The following PRKG1 variants were observed in gnomAD, a reference collection of about 807,000 sequenced individuals.
The protein encoded by PRKG1 is protein kinase cGMP-dependent 1, also known as cGMP-dependent protein kinase 1.
A neutral mutation model predicts 88.1 loss-of-function variants in PRKG1; 35 were observed. That is an observed-to-expected ratio of 0.40 (90% CI 0.30 to 0.53). PRKG1 has a LOEUF of 0.53. PRKG1 is among the 20% of genes least tolerant of loss of function. The pLI is 0.59. For synonymous variants in PRKG1, 303 were observed against 292.5 expected, an observed-to-expected ratio of 1.04 and a Z score of -0.37; for missense variants, 540 against 839.8, an observed-to-expected ratio of 0.64 and a Z score of 4.41.
At chr10:51,960,971 C>A (rs1843433042) in intron 5 of PRKG1, among the ~76,000 whole-genome samples, 1 of 152,084 alleles carries the variant, frequency 6.6e-6, no homozygotes. Flanking sequence ...AAGTATTGAG[C>A]TCATTTGATA....
At chr10:51,616,027 C>T (rs1056280305) in intron 3 of PRKG1, among the ~76,000 whole-genome samples, 2 of 152,142 alleles carry the variant, frequency 1.3e-5, no homozygotes, top group Non-Finnish European at 2.9e-5. Flanking sequence ...GGCTTTGATT[C>T]TGGGTGCATG....
At chr10:51,610,351 G>A (rs1838875240) in intron 3 of PRKG1, among the ~76,000 whole-genome samples, 1 of 152,040 alleles carries the variant, frequency 6.6e-6, no homozygotes, top group East Asian at 1.9e-4. Flanking sequence ...TGTGAGCAAT[G>A]TTTTTAGTTC....
chr10:51,223,237 G>T (rs1838598924), intron 2 of PRKG1, among the ~76,000 whole-genome samples: 1 of 151,940 alleles, frequency 6.6e-6, no homozygotes, highest in African/African-American at 2.4e-5. Flanking sequence ...TGTGGATTGT[G>T]TTTCAAGCAA....
intron 2 of PRKG1, among the ~76,000 whole-genome samples, chr10:51,157,250 A>C (rs1282562187): frequency 1.3e-5 from 2 of 151,932 alleles, no homozygotes; most frequent in Non-Finnish European, 2.9e-5. Flanking sequence ...TTGCTTTCAG[A>C]TACTTAAAAG....
rs529508267 is a variant in PRKG1 at position 52,296,850 on chromosome 10, G to T, written c.*2950G>T. 6.6e-6 allele frequency: 1 copy of T among 152,056 alleles called. No individual in the cohort carries two copies. Among genetic ancestry groups the T allele is most frequent in the East Asian group, 1.9e-4 (1 of 5,168 alleles). 9.4% of individuals were successfully genotyped at this position (152,056 alleles called of 1,614,324 possible). Reference sequence around the variant, plus strand: ...TTAAGACATGAATCAGATCCATGTGGCATTCAAAACAAATTTATTTTGGTT... The same window carrying T: ...TTAAGACATGAATCAGATCCATGTGTCATTCAAAACAAATTTATTTTGGTT... On this transcript the variant is annotated 3_prime_UTR_variant, in exon 18 of 18. Transcript: ENST00000373980.
At chr10:51,517,806 C>A (rs1268176873) in intron 3 of PRKG1, among the ~76,000 whole-genome samples, 1 of 152,146 alleles carries the variant, frequency 6.6e-6, no homozygotes. Context: ...TTTTCATTTT[C>A]ATCCAGAAGG....
intron 2 of PRKG1, among the ~76,000 whole-genome samples, chr10:51,177,425 C>T (rs1327053963): frequency 6.6e-6 from 1 of 152,106 alleles, no homozygotes; most frequent in Non-Finnish European, 1.5e-5. Context: ...TGTTAACAAA[C>T]TTTGCTTATT....
At chr10:51,192,651 T>G (rs963307333) in intron 2 of PRKG1, among the ~76,000 whole-genome samples, 6 of 151,970 alleles carry the variant, frequency 3.9e-5, no homozygotes, top group Non-Finnish European at 8.8e-5. Context: ...TTTTACCCAG[T>G]AAAGAGATTT....
chr10:51,468,263 G>A (rs1839959573), intron 3 of PRKG1, among the ~76,000 whole-genome samples: 1 of 151,786 alleles, frequency 6.6e-6, no homozygotes, highest in Non-Finnish European at 1.5e-5. Flanking sequence ...GAGAAGAAAT[G>A]TCCTTCATCT....
intron 2 of PRKG1, among the ~76,000 whole-genome samples, chr10:51,350,271 G>C (rs151172357): frequency 2.0e-5 from 3 of 152,160 alleles, no homozygotes; most frequent in African/African-American, 7.2e-5. Flanking sequence ...GCCATTGAAA[G>C]CTCAAACATC....
chr10:51,399,946 A>G (rs1182929922), intron 2 of PRKG1, among the ~76,000 whole-genome samples: 1 of 152,150 alleles, frequency 6.6e-6, no homozygotes, highest in Admixed American at 6.5e-5. Flanking sequence ...TGGCTGTAGG[A>G]GTTCTGGCTG....
intron 3 of PRKG1, among the ~76,000 whole-genome samples, chr10:51,666,184 C>T (rs1840417670): frequency 6.6e-6 from 1 of 152,170 alleles, no homozygotes; most frequent in Non-Finnish European, 1.5e-5. Flanking sequence ...CCTGTGACTC[C>T]AGCCCTAGCT....
intron 3 of PRKG1, among the ~76,000 whole-genome samples, chr10:51,618,235 A>G (rs1839113771): frequency 6.6e-6 from 1 of 152,180 alleles, no homozygotes; most frequent in South Asian, 2.1e-4. Flanking sequence ...GTTGGCCTAG[A>G]CTTCCCTGGG....
At chr10:51,708,263 C>T (rs554467542) in intron 3 of PRKG1, among the ~76,000 whole-genome samples, 20 of 152,224 alleles carry the variant, frequency 1.3e-4, no homozygotes, top group African/African-American at 4.3e-4. Flanking sequence ...CTTCCTTTTC[C>T]TGTAGGAACA....
intron 5 of PRKG1, among the ~76,000 whole-genome samples, chr10:51,934,825 T>C (rs1842769196): frequency 6.6e-6 from 1 of 152,180 alleles, no homozygotes; most frequent in Admixed American, 6.5e-5. Context: ...GTCTGAGCAA[T>C]TGTTTTTGTC....
intron 3 of PRKG1, among the ~76,000 whole-genome samples, chr10:51,655,311 C>A (rs1341984850): frequency 6.6e-6 from 1 of 151,986 alleles, no homozygotes; most frequent in Non-Finnish European, 1.5e-5. Flanking sequence ...GATTCTGTAG[C>A]AAATGAACCT....
chr10:52,254,933 C>T (rs1841272368), intron 10 of PRKG1, among the ~76,000 whole-genome samples: 2 of 152,084 alleles, frequency 1.3e-5, no homozygotes, highest in Admixed American at 6.6e-5. Flanking sequence ...AACTGACATT[C>T]ACTTGTTTAA....
At chr10:51,416,873 A>G (rs963235243) in intron 2 of PRKG1, among the ~76,000 whole-genome samples, 2 of 152,218 alleles carry the variant, frequency 1.3e-5, no homozygotes, top group East Asian at 1.9e-4. Context: ...CAGGCTTTCA[A>G]TGAAGAACAC....
At chr10:52,184,085 A>G (rs556836687) in intron 9 of PRKG1, among the ~76,000 whole-genome samples, 43 of 152,290 alleles carry the variant, frequency 2.8e-4, no homozygotes, top group South Asian at 1.0e-3. Context: ...TGACACTCCA[A>G]TGAAATTTTA....
Sources: allele counts gnomAD v4.1 joint callset (sites outside exome capture counted in the v4.1 genomes callset), GRCh38; gene constraint gnomAD v4.1.1; transcripts MANE v1.5; gene names NCBI Gene and HGNC (gene_info 2026-07-23, HGNC 2026-07-21).